Variants in TSC22D4 observed in about 807,000 individuals in gnomAD.
TSC22D4 encodes the protein TSC22 domain family protein 4.
A neutral mutation model predicts 24.9 loss-of-function variants in TSC22D4; 5 were observed. That is an observed-to-expected ratio of 0.20 (90% CI 0.10 to 0.42). The LOEUF (loss-of-function observed/expected upper bound fraction) is 0.42, where lower values mean the gene tolerates loss of function less well. TSC22D4 is among the 10% of genes least tolerant of loss of function. TSC22D4 has a pLI of 1.00. For missense variants in TSC22D4, 469 were observed against 547.9 expected (o/e 0.86, Z 1.44); for synonymous variants, 245 against 243.2 (o/e 1.01, Z -0.07).
intron 2 of TSC22D4, among the ~76,000 whole-genome samples, chr7:100,476,129 A>T (rs941980632): frequency 1.3e-5 from 2 of 150,526 alleles, no homozygotes; most frequent in Admixed American, 1.3e-4. Context: ...GGGAAGCTGG[A>T]GGCCAAGGGG....
At position 100,478,350 on chromosome 7, in the gene TSC22D4, AGTGTGTGTGT is replaced by A. The variant is rs35439211; in HGVS notation, c.-269-53_-269-44del. On this transcript the variant is annotated intron_variant, in intron 1 of 4. Coordinates refer to ENST00000300181, the MANE Select transcript of TSC22D4 (RefSeq NM_030935.5). ...GAGAGAGAGAGAGAGAGAGAGAGAG[AGTGTGTGTGT>A]GTGTGTGTGTGTGTGTGTGTGTGTG... The A allele has an allele frequency of 6.8e-3, 565 of 83,698 alleles. 2 individuals are homozygous for A. Among genetic ancestry groups the A allele is most frequent in the South Asian group, 0.013 (71 of 5,540 alleles). 5.2% of individuals were successfully genotyped at this position (83,698 alleles called of 1,614,324 possible). A position where few individuals can be genotyped will look rare whatever the true frequency, so the allele number is the denominator to read the frequency against.
rs1235076005 is a variant in TSC22D4, at chr7:100,477,499, C to T, written c.540G>A (p.Lys180=). 3 of 1,554,254 alleles carry T rather than the reference C, an allele frequency of 1.9e-6. No individual in the cohort carries two copies. Among genetic ancestry groups the T allele is most frequent in the Non-Finnish European group, 2.6e-6 (3 of 1,150,816 alleles). ...AGGCCGACAGTGGGGGTTTCTCTGC[C>T]TTGGCTTTGCTGGGCACCACCAGCT... The part of the protein sequence containing the change: ...LGQLVVPSKA[K]AEKPPLSASS... Residue 180 remains lysine (K), a synonymous_variant, in exon 2 of 5, where the codon AAG becomes AAA. Coordinates refer to ENST00000300181, the MANE Select transcript of TSC22D4 (RefSeq NM_030935.5). This position sits in a 1 kb window ranked among gnomAD's most constrained non-coding sequence, Gnocchi z 7.8.
chr7:100,467,051 G>A lies in TSC22D4; in HGVS notation c.1096C>T (p.Arg366Cys), dbSNP rs763265650. ...AALEQENGLL[R>C]ALASPEQLAQ... ...AGCTGCTCCGGGCTGGCCAGGGCGC[G>A]CAGCAGCCCATTCTCCTGCTCCAGC... The change falls in exon 5 of 5, where the codon CGC (arginine) becomes TGC (cysteine). Residue 366 changes from arginine to cysteine, a missense_variant. Coordinates refer to ENST00000300181, the MANE Select transcript of TSC22D4 (RefSeq NM_030935.5). 9 of 1,613,604 alleles carry A rather than the reference G, an allele frequency of 5.6e-6. No individual in the cohort carries two copies. The highest frequency in any genetic ancestry group is 6.8e-6 in the Non-Finnish European group (8 of 1,179,908).
Position 100,466,786 on chromosome 7 carries a change from A to ATCT in TSC22D4, c.*172_*173insAGA. On this transcript the variant is annotated 3_prime_UTR_variant, in exon 5 of 5. Coordinates refer to ENST00000300181, the MANE Select transcript of TSC22D4 (RefSeq NM_030935.5). ...CCCGTCCTGAAGCCCTCCCTCCTCC[A>ATCT]TCAAGGCTGGGGATGATGAGGAGAT... 1 of 713,254 alleles carries ATCT rather than the reference A, an allele frequency of 1.4e-6. No individual in the cohort carries two copies. Among genetic ancestry groups the ATCT allele is most frequent in the Middle Eastern group, 4.0e-4 (1 of 2,488 alleles). 44.2% of individuals were successfully genotyped at this position (713,254 alleles called of 1,614,324 possible). A position where few individuals can be genotyped will look rare whatever the true frequency, so the allele number is the denominator to read the frequency against.
In TSC22D4 at chr7:100,477,980, T is replaced by G; in HGVS notation, c.59A>C (p.Glu20Ala). 1 of 1,582,186 alleles carries G rather than the reference T, an allele frequency of 6.3e-7. No individual in the cohort carries two copies. The highest frequency in any genetic ancestry group is 8.6e-7 in the Non-Finnish European group (1 of 1,166,310). ...FQITSVTTDYEGPGSPGASDP... is the reference protein window; with the variant it reads ...FQITSVTTDYAGPGSPGASDP... ...CGAAGCCCCTGGGCTCCCAGGGCCC[T>G]CATAGTCCGTGGTGACGCTGGTGAT... The change falls in exon 2 of 5, where the codon GAG becomes GCG. Residue 20 changes from glutamate (E) to alanine (A), a missense_variant. Physicochemically the swap from Glu to Ala is moderately radical, Grantham distance 107. Coordinates refer to ENST00000300181, the MANE Select transcript of TSC22D4 (RefSeq NM_030935.5). The surrounding 1 kb of genome is among the most constrained non-coding windows in gnomAD (Gnocchi z 7.8).
rs1387915686 is a variant in TSC22D4, at chr7:100,466,815, G to A, written c.*144C>T. On this transcript the variant is annotated 3_prime_UTR_variant, in exon 5 of 5. Transcript: ENST00000300181. ...AGGCTGGGGATGATGAGGAGATGGG[G>A]CAGGGGCCGGGGGACCAGGCCATTA... 6 of 800,438 alleles carry A rather than the reference G, an allele frequency of 7.5e-6. No homozygotes were observed. The highest frequency in any genetic ancestry group is 9.8e-6 in the Non-Finnish European group (5 of 511,298). 49.6% of individuals were successfully genotyped at this position (800,438 alleles called of 1,614,324 possible).
chr7:100,467,931 T>C (rs1236589636), intron 3 of TSC22D4: 1 of 543,430 alleles, frequency 1.8e-6, no homozygotes, highest in East Asian at 4.7e-5. Flanking sequence ...CAGAGACCCC[T>C]GGCTGGGCCA....
chr7:100,477,856 G>T lies in TSC22D4; in HGVS notation c.183C>A (p.Gly61=). The change falls in exon 2 of 5, where the codon GGC becomes GGA. Residue 61 remains glycine (G), a synonymous_variant. Transcript: ENST00000300181. The surrounding 1 kb of genome is among the most constrained non-coding windows in gnomAD (Gnocchi z 7.8). The stretch of plus-strand genomic sequence containing the variant: ...AGGAAGGGGCCCCAGGTGGTGGGGA[G>T]CCATTCCGGGGGGTGCCCTTGCCCC... ...DPGGKGTPRN[G]SPPPGAPSSR... is the part of the protein sequence containing the mutation. The T allele has an allele frequency of 6.3e-7, 1 of 1,593,032 alleles. No individual in the cohort carries two copies. The highest frequency in any genetic ancestry group is 8.5e-7 in the Non-Finnish European group (1 of 1,172,180).
chr7:100,470,747 G>C (rs1799376329), intron 3 of TSC22D4, among the ~76,000 whole-genome samples: 1 of 152,190 alleles, frequency 6.6e-6, no homozygotes. Context: ...AGTAGGGGCT[G>C]CTGAGACAGG....
At chr7:100,467,898 A>G (rs769408977) in intron 3 of TSC22D4, 1 of 596,264 alleles carries the variant, frequency 1.7e-6, no homozygotes, top group Admixed American at 2.2e-5. Context: ...CTCGGGTCTC[A>G]TAAGACGACA....
Position 100,474,458 on chromosome 7 carries a change from G to GGTTC in TSC22D4, c.763-19_763-18insGAAC. ...GGGGGCACCTGGAGGCGGAGAGGTAGGAACCATCACATGAAAAGAGAAAAG... is the reference window on the plus strand; with the variant it reads ...GGGGGCACCTGGAGGCGGAGAGGTAGGTTCGAACCATCACATGAAAAGAGAAAAG... On this transcript the variant is annotated intron_variant, in intron 2 of 4. Transcript: ENST00000300181. The surrounding 1 kb of genome is among the most constrained non-coding windows in gnomAD (Gnocchi z 4.3). The GGTTC allele has an allele frequency of 6.2e-7, 1 of 1,613,360 alleles. No homozygotes were observed. The highest frequency in any genetic ancestry group is 1.3e-5 in the African/African-American group (1 of 75,020).
In TSC22D4 at chr7:100,477,914, C is replaced by T. The variant is rs753369959; in HGVS notation, c.125G>A (p.Arg42His). Residue 42 changes from arginine (R) to histidine (H), a missense_variant, in exon 2 of 5, where the codon CGC becomes CAC. By Grantham distance (29) the Arg-to-His change is conservative. Coordinates refer to ENST00000300181, the MANE Select transcript of TSC22D4 (RefSeq NM_030935.5). The surrounding 1 kb of genome is among the most constrained non-coding windows in gnomAD (Gnocchi z 7.8). ...GGGGCTGGGCTCCCCATTGGGCAGGCGGGGCGGGGGCCCGGTTGGGGGCTG... is the reference window on the plus strand; with the variant it reads ...GGGGCTGGGCTCCCCATTGGGCAGGTGGGGCGGGGGCCCGGTTGGGGGCTG... ...TPQPPTGPPP[R>H]LPNGEPSPDP... 2.2e-6 allele frequency: 3 copies of T among 1,378,026 alleles called. No individual in the cohort carries two copies. Among genetic ancestry groups the T allele is most frequent in the Non-Finnish European group, 2.9e-6 (3 of 1,036,570 alleles). 85.4% of individuals were successfully genotyped at this position (1,378,026 alleles called of 1,614,324 possible). A position where few individuals can be genotyped will look rare whatever the true frequency, so the allele number is the denominator to read the frequency against.
At chr7:100,469,089 T>C (rs775756698) in intron 3 of TSC22D4, among the ~76,000 whole-genome samples, 4 of 150,710 alleles carry the variant, frequency 2.7e-5, no homozygotes, top group Non-Finnish European at 5.9e-5. Flanking sequence ...TAGCTGGGCA[T>C]GGTGGGGGGT....
chr7:100,474,296 G>T lies in TSC22D4; in HGVS notation c.907C>A (p.His303Asn). 1 of 1,614,092 alleles carries T rather than the reference G, an allele frequency of 6.2e-7. No individual in the cohort carries two copies. The highest frequency in any genetic ancestry group is 1.1e-5 in the South Asian group (1 of 91,054). ...LAHSMLAISG[H>N]LDSDDDSGSG... The stretch of plus-strand genomic sequence containing the variant: ...TACCTATCATCGTCGCTGTCTAGGT[G>T]ACCACTGATGGCCAACATGGAGTGG... Residue 303 changes from histidine to asparagine, a missense_variant, in exon 3 of 5, where the codon CAC (histidine) becomes AAC (asparagine). By Grantham distance (68) the His-to-Asn change is moderately conservative (BLOSUM62 1). Transcript: ENST00000300181. The surrounding 1 kb of genome is among the most constrained non-coding windows in gnomAD (Gnocchi z 4.3).
Position 100,477,132 on chromosome 7 carries a change from T to A in TSC22D4, c.762+145A>T, listed in dbSNP as rs1799511291. 2 of 646,556 alleles carry A rather than the reference T, an allele frequency of 3.1e-6. No homozygotes were observed. The highest frequency in any genetic ancestry group is 6.3e-5 in the Admixed American group (2 of 31,808). The allele number at this position is 646,556 out of a possible 1,614,324, so 40.1% of individuals were successfully genotyped here. ...GAAGTAGGAGGAAGGGGCTTCAGAG[T>A]GACCTGGCAGGCACAGAGAAGAGGG... On this transcript the variant is annotated intron_variant, in intron 2 of 4. Coordinates refer to ENST00000300181, the MANE Select transcript of TSC22D4 (RefSeq NM_030935.5). This position sits in a 1 kb window ranked among gnomAD's most constrained non-coding sequence, Gnocchi z 7.8.
chr7:100,478,399 GT>G, intron 1 of TSC22D4, 92 bp from the exon 2 acceptor site: 1 of 226,868 alleles, frequency 4.4e-6, no homozygotes. Flanking sequence ...GTGTGTGTGT[GT>G]GAAACCAGTG....
rs1799518928 is a variant in TSC22D4 at position 100,477,368 on chromosome 7, C to T, written c.671G>A (p.Gly224Asp). ...PSLRVEAEAG[G>D]SGARTPPLSR... ...CAGTGGAGGGGTCCTGGCCCCTGAG[C>T]CCCCAGCCTCCGCTTCCACCCTCAG... is the stretch of plus-strand genomic sequence containing the variant. The change falls in exon 2 of 5, where the codon GGC (glycine) becomes GAC (aspartate). Residue 224 changes from glycine (G) to aspartate (D), a missense_variant. Transcript: ENST00000300181. This position sits in a 1 kb window ranked among gnomAD's most constrained non-coding sequence, Gnocchi z 7.8. 2 of 1,586,898 alleles carry T rather than the reference C, an allele frequency of 1.3e-6. No individual in the cohort carries two copies. The highest frequency in any genetic ancestry group is 1.1e-5 in the South Asian group (1 of 87,622).
At chr7:100,472,370 G>A (rs562080818) in intron 3 of TSC22D4, among the ~76,000 whole-genome samples, 1 of 151,754 alleles carries the variant, frequency 6.6e-6, no homozygotes, top group African/African-American at 2.4e-5. Flanking sequence ...GTGAAGTGGA[G>A]GCTGGGAACC....
Position 100,474,803 on chromosome 7 carries a change from GTTTTAT to G in TSC22D4, c.763-369_763-364del, listed in dbSNP as rs1333610270. Among the ~76,000 whole-genome samples, 2 of 152,046 alleles carry G rather than the reference GTTTTAT, an allele frequency of 1.3e-5. No individual in the cohort carries two copies. The highest frequency in any genetic ancestry group is 4.8e-5 in the African/African-American group (2 of 41,414). ...ACGCAGCGTGTCTGCCTTCTTTTAT[GTTTTAT>G]TTTTATTTTTTTGAGACAGTCTCAC... On this transcript the variant is annotated intron_variant, in intron 2 of 4. Transcript: ENST00000300181. The surrounding 1 kb of genome is among the most constrained non-coding windows in gnomAD (Gnocchi z 4.3).
Sources: allele counts gnomAD v4.1 joint callset (sites outside exome capture counted in the v4.1 genomes callset), GRCh38; gene constraint gnomAD v4.1.1; non-coding constraint Gnocchi (gnomAD v3.1); transcripts MANE v1.5; gene names NCBI Gene and HGNC (gene_info 2026-07-23, HGNC 2026-07-21).